Variants in RERE observed in about 807,000 individuals in gnomAD.
RERE encodes arginine-glutamic acid dipeptide repeats, also known as arginine-glutamic acid dipeptide repeats protein.
A neutral mutation model predicts 146.1 loss-of-function variants in RERE; 40 were observed. The ratio of observed to expected loss-of-function variants is 0.27; its 90% CI spans 0.21 to 0.36. The LOEUF is 0.36. Among genes scored for constraint, RERE ranks in the 10% least tolerant of loss-of-function variants. The pLI is 1.00. For missense variants in RERE, 1,933 were observed against 2,138.7 expected (o/e 0.90, Z 1.90); for synonymous variants, 1,003 against 866.0 (o/e 1.16, Z -2.78).
Position 8,360,398 on chromosome 1 carries a change from G to A in RERE, c.3109C>T (p.His1037Tyr). ...GGAGGGCCTCCAGGGACAAAGGGGT[G>A]CTGAGCAAACGGGGGTTGGGGGGCC... The part of the protein sequence containing the change: ...QVAPQPPFAQ[H>Y]PFVPGGPPPI... The change falls in exon 18 of 23, where the codon CAC (histidine) becomes TAC (tyrosine). Residue 1037 changes from histidine (H) to tyrosine (Y), a missense_variant. This residue lies in a region of RERE where 1,255 missense variants were observed against 1,153.8 expected (regional missense o/e 1.09). Coordinates refer to ENST00000400908, the MANE Select transcript of RERE (RefSeq NM_001042681.2). 6 of 1,259,142 alleles carry A rather than the reference G, an allele frequency of 4.8e-6. No individual in the cohort carries two copies. Among genetic ancestry groups the A allele is most frequent in the Non-Finnish European group, 6.0e-6 (6 of 991,756 alleles). 78.0% of individuals were successfully genotyped at this position (1,259,142 alleles called of 1,614,324 possible).
At chr1:8,372,620 G>A (rs188181486) in intron 12 of RERE, among the ~76,000 whole-genome samples, 3 of 151,948 alleles carry the variant, frequency 2.0e-5, no homozygotes, top group East Asian at 1.9e-4. Context: ...AGTTCACAGA[G>A]AACAGTGAGA....
intron 12 of RERE, among the ~76,000 whole-genome samples, chr1:8,371,040 T>C (rs921534359): frequency 6.6e-6 from 1 of 152,212 alleles, no homozygotes. Flanking sequence ...ACATATCTTA[T>C]GTCTCGGTGC....
chr1:8,365,746 G>A, intron 13 of RERE, 66 bp downstream of exon 13: 1 of 1,573,804 alleles, frequency 6.4e-7, no homozygotes, highest in Non-Finnish European at 8.7e-7. Flanking sequence ...TACGGGCCCA[G>A]AGTGGGACAG....
At chr1:8,739,925 G>T (rs928786715) in intron 1 of RERE, among the ~76,000 whole-genome samples, 1 of 151,638 alleles carries the variant, frequency 6.6e-6, no homozygotes, top group Admixed American at 6.6e-5. Flanking sequence ...TTACTTGCTT[G>T]CTTTTTTTAT....
chr1:8,597,219 G>T (rs1646565502), intron 4 of RERE, among the ~76,000 whole-genome samples: 1 of 151,880 alleles, frequency 6.6e-6, no homozygotes, highest in Non-Finnish European at 1.5e-5. Flanking sequence ...CTCCTAAGCA[G>T]CTGGGACTAG....
At chr1:8,788,272 TATA>T (rs765905558) in intron 1 of RERE, among the ~76,000 whole-genome samples, 2 of 152,098 alleles carry the variant, frequency 1.3e-5, no homozygotes, top group African/African-American at 4.8e-5. Context: ...GTTAATGTGT[TATA>T]ATAACATCAT....
chr1:8,789,276 C>A (rs1641313958), intron 1 of RERE, among the ~76,000 whole-genome samples: 1 of 43,990 alleles, frequency 2.3e-5, no homozygotes, highest in Non-Finnish European at 4.1e-5. Context: ...AAGACCTCCT[C>A]TCTACCAAAA....
intron 1 of RERE, among the ~76,000 whole-genome samples, chr1:8,726,878 T>C (rs1348604148): frequency 6.6e-6 from 1 of 152,108 alleles, no homozygotes; most frequent in East Asian, 1.9e-4. Context: ...CGACCTCAGC[T>C]CACTGCAACC....
intron 1 of RERE, among the ~76,000 whole-genome samples, chr1:8,774,347 A>ATTTTTTTTTTTTTTTTTT (rs34859762): frequency 2.1e-5 from 2 of 93,180 alleles, no homozygotes; most frequent in Non-Finnish European, 2.1e-5. Flanking sequence ...TTGGCAAACT[A>ATTTTTTTTTTTTTTTTTT]TTTTTTTTTT....
chr1:8,480,128 G>GTTTTTT (rs112068785), intron 10 of RERE, among the ~76,000 whole-genome samples: 1 of 135,224 alleles, frequency 7.4e-6, no homozygotes, highest in Non-Finnish European at 1.6e-5. Context: ...GCCTTTTTTT[G>GTTTTTT]TTTTTTTTTT....
intron 7 of RERE, among the ~76,000 whole-genome samples, chr1:8,517,918 A>G (rs1485078739): frequency 6.6e-6 from 1 of 152,226 alleles, no homozygotes; most frequent in South Asian, 2.1e-4. Context: ...AAAAGGGAGA[A>G]GCATCTTTGC....
At chr1:8,466,646 T>C (rs1644601922) in intron 10 of RERE, among the ~76,000 whole-genome samples, 1 of 152,232 alleles carries the variant, frequency 6.6e-6, no homozygotes, top group African/African-American at 2.4e-5. Context: ...ATATTTAAAG[T>C]GGCTAAAATT....
rs113874907 is a variant in RERE, at chr1:8,656,460, T to C, written c.-144-19A>G. The C allele has an allele frequency of 1.1e-6, 1 of 917,616 alleles. No homozygotes were observed. The highest frequency in any genetic ancestry group is 1.9e-5 in the South Asian group (1 of 53,542). 56.8% of individuals were successfully genotyped at this position (917,616 alleles called of 1,614,324 possible). A position where few individuals can be genotyped will look rare whatever the true frequency, so the allele number is the denominator to read the frequency against. On this transcript the variant is annotated intron_variant, in intron 1 of 22. Transcript: ENST00000400908. ...AAAAATGCTAGGAGAGAAAAAAGAA[T>C]GGTTTTAACGCTTTTTCATATTTGT...
intron 1 of RERE, among the ~76,000 whole-genome samples, chr1:8,797,982 G>A (rs1283747624): frequency 6.6e-6 from 1 of 152,244 alleles, no homozygotes; most frequent in Non-Finnish European, 1.5e-5. Flanking sequence ...GACTAGGCCA[G>A]GCGCAGTGGC....
Position 8,445,783 on chromosome 1 carries a change from T to C in RERE, c.1203+20142A>G, listed in dbSNP as rs142916712. 3.4e-3 allele frequency among the ~76,000 whole-genome samples: 511 copies of C among 152,140 alleles called. 3 individuals carry two copies. The highest frequency in any genetic ancestry group is 0.017 in the Middle Eastern group (5 of 294). ...GTTTGCTGCACCCATCAACCCATCA[T>C]CTACATTAGGTATTTTTCCTAATGC... On this transcript the variant is annotated intron_variant, in intron 11 of 22. Transcript: ENST00000400908.
intron 6 of RERE, among the ~76,000 whole-genome samples, chr1:8,553,172 C>T (rs540978912): frequency 2.6e-5 from 4 of 151,400 alleles, no homozygotes; most frequent in African/African-American, 4.9e-5. Context: ...CATGCGTGTG[C>T]GACACACCAC....
chr1:8,359,098 C>A (rs555596778), intron 19 of RERE, among the ~76,000 whole-genome samples, 182 bp from the exon 20 acceptor site: 2 of 152,168 alleles, frequency 1.3e-5, no homozygotes, highest in Non-Finnish European at 2.9e-5. Context: ...CCCACAGGGT[C>A]GGGCTCACCT....
intron 1 of RERE, among the ~76,000 whole-genome samples, chr1:8,784,234 T>TTTTA (rs1268148978): frequency 2.6e-5 from 4 of 152,312 alleles, no homozygotes; most frequent in African/African-American, 9.6e-5. Context: ...CTCCCACACA[T>TTTTA]TTTAGCCTTT....
intron 12 of RERE, among the ~76,000 whole-genome samples, chr1:8,366,916 C>CAAAAAAAAAAAAAAAA (rs5772317): frequency 3.7e-5 from 4 of 107,684 alleles, no homozygotes; most frequent in South Asian, 3.1e-4. Context: ...AAAAAAAAAA[C>CAAAAAAAAAAAAAAAA]AAAAAAAAAA....
Sources: gnomAD v4.1 joint callset for allele counts (sites outside exome capture counted in the v4.1 genomes callset) on GRCh38, gnomAD v4.1.1 for gene constraint, gnomAD v4.1.1 regional missense constraint, MANE v1.5 for transcripts, NCBI Gene and HGNC (gene_info 2026-07-23, HGNC 2026-07-21) for gene names.